CACNA1E: variants seen among roughly 807,000 people sequenced by gnomAD.
CACNA1E encodes the protein calcium voltage-gated channel subunit alpha1 E, also known as voltage-dependent R-type calcium channel subunit alpha-1E.
In CACNA1E, 40 loss-of-function variants were observed where a neutral mutation model predicts 259.2. The observed-to-expected ratio is 0.15, with a 90% CI of 0.12 to 0.20. CACNA1E has a LOEUF of 0.20. CACNA1E is among the 10% of genes least tolerant of loss of function. The probability of loss-of-function intolerance (pLI) is 1.00; values close to 1 mark genes in which losing one functional copy is unlikely to be tolerated. For missense variants in CACNA1E, 1,874 were observed against 3,040.1 expected, an observed-to-expected ratio of 0.62 and a Z score of 9.02; for synonymous variants, 1,104 against 1,138.5, an observed-to-expected ratio of 0.97 and a Z score of 0.61.
chr1:181,385,780 CTCCTTTCT>C (rs1338853777), intron 1 of CACNA1E, among the ~76,000 whole-genome samples: 1 of 151,118 alleles, frequency 6.6e-6, no homozygotes, highest in Non-Finnish European at 1.5e-5. Context: ...ACTTCCCTCC[CTCCTTTCT>C]TCCCTCCCTC....
In CACNA1E at chr1:181,419,137, T is replaced by C. The variant is rs577000632; in HGVS notation, c.434+5557T>C. Among the ~76,000 whole-genome samples the C allele has an allele frequency of 5.2e-4, 79 of 152,316 alleles. 2 individuals carry two copies. The highest frequency in any genetic ancestry group is 3.4e-3 in the Middle Eastern group (1 of 294). On this transcript the variant is annotated intron_variant, in intron 2 of 11. Coordinates refer to the CACNA1E transcript ENST00000524607. The stretch of plus-strand genomic sequence containing the variant: ...AAAGGATTTAGAAAGGTAGAACAAG[T>C]AGTTTCTGTCCAAGAGTCTTAAGAA...
At chr1:181,514,918 C>T (rs1558075974) in intron 3 of CACNA1E, among the ~76,000 whole-genome samples, 1 of 152,168 alleles carries the variant, frequency 6.6e-6, no homozygotes, top group Non-Finnish European at 1.5e-5. Flanking sequence ...ATTGCTTCAT[C>T]TTGTCCTCAT....
At chr1:181,759,859 T>C (rs574344158) in intron 32 of CACNA1E, among the ~76,000 whole-genome samples, 1 of 152,212 alleles carries the variant, frequency 6.6e-6, no homozygotes, top group Non-Finnish European at 1.5e-5. Context: ...TGAGTGTTGA[T>C]TACGGGGGCT....
chr1:181,596,971 A>G (rs1653238222), intron 6 of CACNA1E, among the ~76,000 whole-genome samples: 1 of 152,034 alleles, frequency 6.6e-6, no homozygotes, highest in African/African-American at 2.4e-5. Flanking sequence ...GTGGAGGAGA[A>G]GGGGCTGAGG....
intron 6 of CACNA1E, among the ~76,000 whole-genome samples, chr1:181,581,399 A>G (rs939302513): frequency 1.3e-5 from 2 of 152,200 alleles, no homozygotes; most frequent in African/African-American, 4.8e-5. Flanking sequence ...GAGATTCACC[A>G]GGGGTGCTTG....
chr1:181,610,327 G>C (rs760892285), intron 6 of CACNA1E, among the ~76,000 whole-genome samples: 5 of 152,120 alleles, frequency 3.3e-5, no homozygotes, highest in African/African-American at 1.2e-4. Flanking sequence ...AACATACTAA[G>C]GTTGAGAACG....
chr1:181,358,816 C>T lies in CACNA1E; in HGVS notation c.-15+40693C>T, dbSNP rs1653646688. Among the ~76,000 whole-genome samples, 2 of 152,196 alleles carry T rather than the reference C, an allele frequency of 1.3e-5. 1 individual carries two copies. Among genetic ancestry groups the T allele is most frequent in the South Asian group, 4.1e-4 (2 of 4,834 alleles). On this transcript the variant is annotated intron_variant, in intron 1 of 11. Coordinates refer to the CACNA1E transcript ENST00000524607. ...CTACATAATGTCCCCGTAACATTTT[C>T]CCCCATATGTTTTTCCTCAAATACC...
intron 1 of CACNA1E, among the ~76,000 whole-genome samples, chr1:181,369,137 G>T (rs947513471): frequency 5.9e-5 from 9 of 152,214 alleles, no homozygotes; most frequent in African/African-American, 9.6e-5. Flanking sequence ...ACTTCATGAT[G>T]CAGGACTGCA....
intron 19 of CACNA1E, among the ~76,000 whole-genome samples, chr1:181,731,644 T>C (rs1655489578): frequency 6.6e-6 from 1 of 152,066 alleles, no homozygotes; most frequent in Non-Finnish European, 1.5e-5. Context: ...TAACTTCCCC[T>C]CCGCCCAGCG....
At chr1:181,720,672 G>A (rs774127772) in intron 14 of CACNA1E, 111 bp from the exon 15 acceptor site, 117 of 718,516 alleles carry the variant, frequency 1.6e-4, no homozygotes, top group South Asian at 3.7e-4. Flanking sequence ...AGGGAAGAGG[G>A]GGGTTGTAGA....
At chr1:181,370,231 C>T (rs571625524) in intron 1 of CACNA1E, among the ~76,000 whole-genome samples, 11 of 151,628 alleles carry the variant, frequency 7.3e-5, no homozygotes, top group Non-Finnish European at 1.3e-4. Context: ...ATCTCATGTT[C>T]CAGGATACTC....
chr1:181,329,470 C>T (rs1651062044), intron 1 of CACNA1E, among the ~76,000 whole-genome samples: 2 of 152,162 alleles, frequency 1.3e-5, no homozygotes, highest in African/African-American at 4.8e-5. Flanking sequence ...GCTTCAATGC[C>T]TACTTTGCTC....
chr1:181,665,073 C>T (rs1648080697), intron 7 of CACNA1E, among the ~76,000 whole-genome samples: 3 of 152,030 alleles, frequency 2.0e-5, no homozygotes, highest in Admixed American at 2.0e-4. Flanking sequence ...GTAACTGAAA[C>T]ATCCTTGTAG....
chr1:181,460,896 TA>T (rs1661761175), intron 2 of CACNA1E, among the ~76,000 whole-genome samples: 1 of 152,194 alleles, frequency 6.6e-6, no homozygotes, highest in Non-Finnish European at 1.5e-5. Flanking sequence ...ATATGGGAAT[TA>T]ACACTAACTT....
chr1:181,648,245 C>G (rs527747213), intron 6 of CACNA1E, among the ~76,000 whole-genome samples: 20 of 152,290 alleles, frequency 1.3e-4, no homozygotes, highest in Admixed American at 1.1e-3. Context: ...CTATGCATGC[C>G]AAACCCTTTG....
At chr1:181,359,818 A>G (rs557866210) in intron 1 of CACNA1E, among the ~76,000 whole-genome samples, 2 of 152,344 alleles carry the variant, frequency 1.3e-5, no homozygotes, top group Middle Eastern at 6.8e-3. Flanking sequence ...TTTCTATAAT[A>G]CATTCCTATT....
At position 181,732,833 on chromosome 1, in the gene CACNA1E, A is replaced by G. The variant is rs1471574753; in HGVS notation, c.2747A>G (p.Gln916Arg). The G allele has an allele frequency of 6.2e-7, 1 of 1,613,182 alleles. No individual in the cohort carries two copies. Among genetic ancestry groups the G allele is most frequent in the Admixed American group, 1.7e-5 (1 of 59,972 alleles). ...VTFEDRARHR[Q>R]SQRRSRHRRV... ...TTTGAGGACCGGGCCAGGCACAGGCAGAGCCAACGGCGCAGCCGGCATCGC... is the reference window on the plus strand; with the variant it reads ...TTTGAGGACCGGGCCAGGCACAGGCGGAGCCAACGGCGCAGCCGGCATCGC... Residue 916 changes from glutamine (Q) to arginine (R), a missense_variant, in exon 20 of 48, where the codon CAG (glutamine) becomes CGG (arginine). Transcript: ENST00000367573. This position sits in a 1 kb window ranked among gnomAD's most constrained non-coding sequence, Gnocchi z 5.5.
chr1:181,580,810 G>A (rs1558149355), intron 6 of CACNA1E, 34 bp downstream of exon 6: 2 of 1,603,010 alleles, frequency 1.2e-6, no homozygotes, highest in Non-Finnish European at 1.7e-6. Context: ...GGAAGGAGGA[G>A]GGAAGAACCC....
intron 3 of CACNA1E, among the ~76,000 whole-genome samples, chr1:181,514,509 C>T (rs1433315937): frequency 1.3e-5 from 2 of 152,204 alleles, no homozygotes; most frequent in Non-Finnish European, 2.9e-5. Context: ...CCTGTGCAGC[C>T]TCCTTACCAG....
Sources: allele counts gnomAD v4.1 joint callset (sites outside exome capture counted in the v4.1 genomes callset), GRCh38; gene constraint gnomAD v4.1.1; non-coding constraint Gnocchi (gnomAD v3.1); transcripts MANE v1.5; gene names NCBI Gene and HGNC (gene_info 2026-07-23, HGNC 2026-07-21).